The following CCSER1 variants were observed in gnomAD, a reference collection of about 807,000 sequenced individuals.
CCSER1 encodes serine-rich coiled-coil domain-containing protein 1.
Under a neutral mutation model 82.0 loss-of-function variants are expected in CCSER1, and 41 were observed. The ratio of observed to expected loss-of-function variants is 0.50; its 90% CI spans 0.39 to 0.65. The LOEUF (loss-of-function observed/expected upper bound fraction) is 0.65, where lower values mean the gene tolerates loss of function less well. Among genes scored for constraint, CCSER1 ranks in the 30% least tolerant of loss-of-function variants. CCSER1 has a pLI of 0.00. For missense variants in CCSER1, 1,119 were observed against 1,064.2 expected, an observed-to-expected ratio of 1.05 and a Z score of -0.72; for synonymous variants, 414 against 383.9, an observed-to-expected ratio of 1.08 and a Z score of -0.92.
intron 10 of CCSER1, among the ~76,000 whole-genome samples, chr4:91,592,198 A>G (rs1293262140): frequency 2.0e-5 from 3 of 152,138 alleles, no homozygotes; most frequent in Non-Finnish European, 4.4e-5. Context: ...GTGGAAGGGG[A>G]AGCAAATACG....
At chr4:91,141,479 T>C (rs113682211) in intron 10 of CCSER1, among the ~76,000 whole-genome samples, 2,985 of 152,280 alleles carry the variant, frequency 0.02, 86 homozygotes, top group African/African-American at 0.066. Context: ...TATGATGGTG[T>C]AGTGTCTCAT....
At chr4:90,551,706 C>CTCTCTCTCTCTCTCTA in intron 5 of CCSER1, among the ~76,000 whole-genome samples, 25 of 104,234 alleles carry the variant, frequency 2.4e-4, no homozygotes, top group East Asian at 8.1e-4. Context: ...CTCTCTCTCT[C>CTCTCTCTCTCTCTCTA]TATATATATA....
rs75278303 is a variant in CCSER1 at position 91,174,710 on chromosome 4, A to C, written c.2217+88716A>C. ...GTTTAATGTGTTATACCATTGATAA[A>C]AATCAGATCATCTGAGTTAATTTCT... On this transcript the variant is annotated intron_variant, in intron 10 of 10. Transcript: ENST00000509176. Among the ~76,000 whole-genome samples, 1,417 of 152,290 alleles carry C rather than the reference A, an allele frequency of 9.3e-3. 17 individuals carry two copies. The highest frequency in any genetic ancestry group is 0.032 in the African/African-American group (1,310 of 41,576).
intron 1 of CCSER1, among the ~76,000 whole-genome samples, chr4:90,297,381 A>G (rs1044229879): frequency 6.1e-4 from 93 of 151,916 alleles, no homozygotes; most frequent in African/African-American, 2.2e-3. Flanking sequence ...TATCAGCTTA[A>G]GGAGATTTTG....
chr4:90,911,053 T>C (rs564847372), intron 8 of CCSER1, among the ~76,000 whole-genome samples: 26 of 152,326 alleles, frequency 1.7e-4, no homozygotes, highest in Non-Finnish European at 1.5e-4. Flanking sequence ...AATCCAGATT[T>C]CTTTGGACTT....
chr4:91,180,034 G>A (rs1234171200), intron 10 of CCSER1, among the ~76,000 whole-genome samples: 1 of 152,190 alleles, frequency 6.6e-6, no homozygotes, highest in African/African-American at 2.4e-5. Flanking sequence ...TAATAGTCAG[G>A]ATCCCCAGCT....
intron 9 of CCSER1, among the ~76,000 whole-genome samples, chr4:90,984,442 C>T (rs1440880348): frequency 4.0e-5 from 6 of 151,684 alleles, no homozygotes; most frequent in Non-Finnish European, 8.9e-5. Flanking sequence ...GTAATGGCTG[C>T]CAGTAGCTTT....
At chr4:90,464,899 A>G (rs1440247448) in intron 4 of CCSER1, among the ~76,000 whole-genome samples, 1 of 152,226 alleles carries the variant, frequency 6.6e-6, no homozygotes. Context: ...TAATGGAGTA[A>G]TTAAAATTTG....
intron 10 of CCSER1, among the ~76,000 whole-genome samples, chr4:91,089,045 G>A (rs1723672121): frequency 6.6e-6 from 1 of 152,184 alleles, no homozygotes; most frequent in African/African-American, 2.4e-5. Context: ...CCGAGGTAGT[G>A]AAGGAAGTAG....
At chr4:90,780,544 T>C (rs1017550854) in intron 7 of CCSER1, 7 of 1,580,652 alleles carry the variant, frequency 4.4e-6, no homozygotes, top group Non-Finnish European at 6.0e-6. Flanking sequence ...AAGTTGAAGA[T>C]GAAAGGAAAG....
intron 10 of CCSER1, among the ~76,000 whole-genome samples, chr4:91,180,043 C>A (rs1432106173): frequency 3.3e-5 from 5 of 152,216 alleles, no homozygotes; most frequent in African/African-American, 1.2e-4. Context: ...GGATCCCCAG[C>A]TGCAGGTCTA....
At chr4:91,483,043 T>G (rs1268756921) in intron 10 of CCSER1, among the ~76,000 whole-genome samples, 26 of 151,162 alleles carry the variant, frequency 1.7e-4, no homozygotes, top group Non-Finnish European at 1.5e-5. Context: ...TGTATACATA[T>G]GTAACAAACC....
intron 3 of CCSER1, among the ~76,000 whole-genome samples, chr4:90,354,993 G>T (rs1307761817): frequency 6.6e-6 from 1 of 151,770 alleles, no homozygotes; most frequent in African/African-American, 2.4e-5. Context: ...TACTCTCCTT[G>T]TTTCTACCAT....
At chr4:90,469,143 A>G (rs150419301) in intron 5 of CCSER1, among the ~76,000 whole-genome samples, 35 of 152,160 alleles carry the variant, frequency 2.3e-4, no homozygotes, top group African/African-American at 7.9e-4. Flanking sequence ...AAGGCGGAAG[A>G]TATATCTTGA....
intron 5 of CCSER1, among the ~76,000 whole-genome samples, chr4:90,615,946 C>T (rs1721109869): frequency 6.6e-6 from 1 of 152,126 alleles, no homozygotes; most frequent in Non-Finnish European, 1.5e-5. Flanking sequence ...GAAATTGCCA[C>T]AGCCACTCCA....
chr4:91,245,052 C>T lies in CCSER1; in HGVS notation c.2217+159058C>T, dbSNP rs576221826. Among the ~76,000 whole-genome samples, 91 of 151,840 alleles carry T rather than the reference C, an allele frequency of 6.0e-4. 1 individual carries two copies. The highest frequency in any genetic ancestry group is 1.9e-3 in the African/African-American group (80 of 41,396). On this transcript the variant is annotated intron_variant, in intron 10 of 10. Transcript: ENST00000509176. ...AAATGATCAAGCAGAAGAAAGAATTCGTGAGCTTTGACCACAGGCCATTTG... is the reference window on the plus strand; with the variant it reads ...AAATGATCAAGCAGAAGAAAGAATTTGTGAGCTTTGACCACAGGCCATTTG...
At chr4:91,486,400 C>T (rs1180198666) in intron 10 of CCSER1, among the ~76,000 whole-genome samples, 3 of 151,844 alleles carry the variant, frequency 2.0e-5, no homozygotes, top group Non-Finnish European at 4.4e-5. Flanking sequence ...TGAAATATTA[C>T]AATGCCTTTT....
chr4:91,331,721 T>C (rs1193698161), intron 10 of CCSER1, among the ~76,000 whole-genome samples: 1 of 152,124 alleles, frequency 6.6e-6, no homozygotes, highest in East Asian at 1.9e-4. Flanking sequence ...TGTCAATTGA[T>C]AAATACAGTG....
intron 10 of CCSER1, among the ~76,000 whole-genome samples, chr4:91,536,159 C>G (rs1761283502): frequency 6.6e-6 from 1 of 152,042 alleles, no homozygotes; most frequent in Non-Finnish European, 1.5e-5. Context: ...GAAGAATGAA[C>G]AGTTGTCAGA....
Sources: gnomAD v4.1 joint callset for allele counts (sites outside exome capture counted in the v4.1 genomes callset) on GRCh38, gnomAD v4.1.1 for gene constraint, MANE v1.5 for transcripts, NCBI Gene and HGNC (gene_info 2026-07-23, HGNC 2026-07-21) for gene names.